GUSB: variants seen among roughly 807,000 people sequenced by gnomAD.
GUSB encodes the protein beta-glucuronidase.
GUSB carries 51 observed loss-of-function variants against 74.6 expected under a neutral mutation model. The ratio of observed to expected loss-of-function variants is 0.68; its 90% CI spans 0.55 to 0.86. GUSB has a LOEUF of 0.86. GUSB is among the 40% of genes least tolerant of loss of function. The probability of loss-of-function intolerance (pLI) is 0.00; values close to 1 mark genes in which losing one functional copy is unlikely to be tolerated. For missense variants in GUSB, 736 were observed against 853.7 expected (o/e 0.86, Z 1.72); for synonymous variants, 360 against 348.3 (o/e 1.03, Z -0.37).
At chr7:65,972,411 A>C (rs1023317858) in intron 8 of GUSB, among the ~76,000 whole-genome samples, 5 of 152,046 alleles carry the variant, frequency 3.3e-5, no homozygotes, top group Admixed American at 2.6e-4. Context: ...TGATCCACCC[A>C]CCTTGGCCTC....
chr7:65,970,632 G>A (rs537291960), intron 8 of GUSB, among the ~76,000 whole-genome samples: 11 of 151,696 alleles, frequency 7.3e-5, no homozygotes, highest in African/African-American at 1.9e-4. Context: ...AGTGGCTCAC[G>A]CCTGTAATCC....
intron 6 of GUSB, 40 bp downstream of exon 6, chr7:65,974,879 C>A (rs750234091): frequency 3.7e-6 from 6 of 1,607,206 alleles, no homozygotes; most frequent in Non-Finnish European, 5.1e-6. Context: ...GGAGGGTGAC[C>A]AGAAGCAGCC....
chr7:65,980,743 G>C (rs989996916), intron 1 of GUSB: 2 of 403,552 alleles, frequency 5.0e-6, no homozygotes, highest in African/African-American at 4.1e-5. Flanking sequence ...AGGAAGGCTG[G>C]TTGGAGGAAT....
chr7:65,972,942 T>G (rs879546603), intron 8 of GUSB, among the ~76,000 whole-genome samples: 2 of 152,216 alleles, frequency 1.3e-5, no homozygotes, highest in Admixed American at 1.3e-4. Context: ...TGGGGTGTGC[T>G]GTATGAGTCA....
chr7:65,965,352 A>G (rs1042258587), intron 10 of GUSB, among the ~76,000 whole-genome samples: 1 of 151,232 alleles, frequency 6.6e-6, no homozygotes, highest in African/African-American at 2.4e-5. Context: ...GTGAGCTGTG[A>G]TTATGCCACT....
intron 5 of GUSB, 35 bp from the exon 6 acceptor site, chr7:65,975,106 G>A (rs757747604): frequency 7.5e-6 from 12 of 1,606,794 alleles, no homozygotes; most frequent in African/African-American, 6.7e-5. Flanking sequence ...TGAGCACCCC[G>A]ACAGCCTGAG....
intron 4 of GUSB, among the ~76,000 whole-genome samples, chr7:65,977,768 G>A (rs1461762435): frequency 6.6e-6 from 1 of 151,754 alleles, no homozygotes; most frequent in Non-Finnish European, 1.5e-5. Flanking sequence ...CTGGGCCACA[G>A]TGCAAGCCTC....
intron 5 of GUSB, chr7:65,975,474 TC>T (rs1562687972): frequency 7.3e-6 from 2 of 272,930 alleles, no homozygotes; most frequent in South Asian, 7.6e-5. Flanking sequence ...AGCCTCTGCC[TC>T]CTGAGTTCAA....
rs569078357 is a variant in GUSB, at chr7:65,980,011, C to T, written c.397-100G>A. ...TCACATAACCTGCAGCATGGGGCTC[C>T]GGGGCCTTCCAGCCAGACGGGAAGA... On this transcript the variant is annotated intron_variant, in intron 2 of 11. Coordinates refer to ENST00000304895, the MANE Select transcript of GUSB (RefSeq NM_000181.4). 1.7e-4 allele frequency: 179 copies of T among 1,071,998 alleles called. No homozygotes were observed. The African/African-American group carries it at 2.3e-3, about 14-fold the overall frequency. The allele number at this position is 1,071,998 out of a possible 1,614,324, so 66.4% of individuals were successfully genotyped here.
In GUSB at chr7:65,975,072, CTA is replaced by C; in HGVS notation, c.913-3_913-2del. The C allele has an allele frequency of 1.9e-6, 3 of 1,612,948 alleles. No homozygotes were observed. The highest frequency in any genetic ancestry group is 2.5e-6 in the Non-Finnish European group (3 of 1,179,542). On this transcript the variant is annotated splice_acceptor_variant and splice_polypyrimidine_tract_variant and intron_variant, in intron 5 of 11. Transcript: ENST00000304895. LOFTEE classifies it high-confidence loss of function. ...GTGACGTCTGTGCAGTCAGCTGCAC[CTA>C]TGACAGCCAAAGCACCAGGTGTGAG...
intron 10 of GUSB, among the ~76,000 whole-genome samples, chr7:65,965,723 C>G (rs1790789265): frequency 6.6e-6 from 1 of 152,154 alleles, no homozygotes; most frequent in African/African-American, 2.4e-5. Context: ...GAGATGGGGT[C>G]TATGTTGCAC....
At chr7:65,970,158 AAAAG>A (rs1428808978) in intron 9 of GUSB, 120 bp downstream of exon 9, 5 of 730,716 alleles carry the variant, frequency 6.8e-6, no homozygotes, top group African/African-American at 1.7e-5. Flanking sequence ...TTTTAAGTAA[AAAAG>A]AAAATGAAAT....
At chr7:65,975,376 T>C (rs1267455998) in intron 5 of GUSB, 2 of 423,000 alleles carry the variant, frequency 4.7e-6, no homozygotes, top group African/African-American at 4.1e-5. Flanking sequence ...TGAGACCCCA[T>C]CTCTATAAAA....
chr7:65,967,565 G>C (rs558826073), intron 10 of GUSB, among the ~76,000 whole-genome samples, 166 bp downstream of exon 10: 1 of 152,300 alleles, frequency 6.6e-6, no homozygotes, highest in South Asian at 2.1e-4. Flanking sequence ...AGTGAGTGGG[G>C]CACAGGCCTG....
chr7:65,980,349 G>A lies in GUSB; in HGVS notation c.271C>T (p.Arg91Cys), dbSNP rs763704693. 17 of 1,613,672 alleles carry A rather than the reference G, an allele frequency of 1.1e-5. No homozygotes were observed. Among genetic ancestry groups the A allele is most frequent in the African/African-American group, 8.0e-5 (6 of 74,916 alleles). ...SSFNDISQDWRLRHFVGWVWY... is the reference protein window; with the variant it reads ...SSFNDISQDWCLRHFVGWVWY... ...ACCCAGCCGACAAAATGCCGCAGAC[G>A]CCAGTCCTGGCTGATGTCATTGAAG... Residue 91 changes from arginine to cysteine, a missense_variant, in exon 2 of 12, where the codon CGT becomes TGT. Physicochemically the swap from Arg to Cys is radical, Grantham distance 180. Coordinates refer to ENST00000304895, the MANE Select transcript of GUSB (RefSeq NM_000181.4).
In GUSB at chr7:65,979,790, T is replaced by C. The variant is rs996983482; in HGVS notation, c.518A>G (p.Asn173Ser). The C allele has an allele frequency of 6.2e-7, 1 of 1,613,656 alleles. No homozygotes were observed. Among genetic ancestry groups the C allele is most frequent in the African/African-American group, 1.3e-5 (1 of 74,908 alleles). ...PSRLRITIAI[N>S]NTLTPTTLPP... ...CAGGGTGGTGGGGGTGAGTGTGTTG[T>C]TGATGGCGATAGTGATTCGGAGCCG... The change falls in exon 3 of 12, where the codon AAC becomes AGC. Residue 173 changes from asparagine (N) to serine (S), a missense_variant. Asn to Ser is a conservative substitution (Grantham distance 46). Around this residue, in one of 2 missense-constraint regions of GUSB, gnomAD observed 368 missense variants for 363.8 expected, o/e 1.01. Coordinates refer to ENST00000304895, the MANE Select transcript of GUSB (RefSeq NM_000181.4).
Position 65,975,087 on chromosome 7 carries a change from C to A in GUSB, c.913-16G>T. On this transcript the variant is annotated splice_polypyrimidine_tract_variant and intron_variant, in intron 5 of 11. Coordinates refer to ENST00000304895, the MANE Select transcript of GUSB (RefSeq NM_000181.4). Reference sequence around the variant, plus strand: ...TCAGCTGCACCTATGACAGCCAAAGCACCAGGTGTGAGCACCCCGACAGCC... The same window carrying A: ...TCAGCTGCACCTATGACAGCCAAAGAACCAGGTGTGAGCACCCCGACAGCC... 6.2e-7 allele frequency: 1 copy of A among 1,612,442 alleles called. No homozygotes were observed. The highest frequency in any genetic ancestry group is 8.5e-7 in the Non-Finnish European group (1 of 1,179,514).
At chr7:65,981,824 C>A (rs1236050369) in intron 1 of GUSB, 150 bp downstream of exon 1, 2 of 677,112 alleles carry the variant, frequency 3.0e-6, no homozygotes, top group African/African-American at 3.7e-5. Flanking sequence ...CCCCGTCCCC[C>A]AAGCCGGCGC....
rs1790433390 is a variant in GUSB at position 65,960,827 on chromosome 7, A to G, written c.*70T>C. On this transcript the variant is annotated 3_prime_UTR_variant, in exon 12 of 12. Coordinates refer to ENST00000304895, the MANE Select transcript of GUSB (RefSeq NM_000181.4). The stretch of plus-strand genomic sequence containing the variant: ...GTCTGCCGTGAACAGTCCAGGAGGC[A>G]CTTGTTCTGCTGCTGTGGAAGTCGC... 7.6e-7 allele frequency: 1 copy of G among 1,316,932 alleles called. No individual in the cohort carries two copies. The highest frequency in any genetic ancestry group is 1.1e-6 in the Non-Finnish European group (1 of 909,354). 81.6% of individuals were successfully genotyped at this position (1,316,932 alleles called of 1,614,324 possible). A position where few individuals can be genotyped will look rare whatever the true frequency, so the allele number is the denominator to read the frequency against.
Sources: gnomAD v4.1 joint callset for allele counts (sites outside exome capture counted in the v4.1 genomes callset) on GRCh38, gnomAD v4.1.1 for gene constraint, gnomAD v4.1.1 regional missense constraint, MANE v1.5 for transcripts, NCBI Gene and HGNC (gene_info 2026-07-23, HGNC 2026-07-21) for gene names.